CNTN4: variants seen among roughly 807,000 people sequenced by gnomAD.
The protein encoded by CNTN4 is contactin-4.
Under a neutral mutation model 122.5 loss-of-function variants are expected in CNTN4, and 77 were observed. The observed-to-expected ratio is 0.63, with a 90% CI of 0.52 to 0.76. CNTN4 has a LOEUF of 0.76. CNTN4 is among the 30% of genes least tolerant of loss of function. The probability of loss-of-function intolerance (pLI) is 0.00; values close to 1 mark genes in which losing one functional copy is unlikely to be tolerated. For synonymous variants in CNTN4, 512 were observed against 447.0 expected (o/e 1.15, Z -1.83); for missense variants, 1,256 against 1,259.1 (o/e 1.00, Z 0.04).
chr3:2,345,501 T>C (rs750308112), intron 3 of CNTN4, among the ~76,000 whole-genome samples: 1 of 152,212 alleles, frequency 6.6e-6, no homozygotes, highest in South Asian at 2.1e-4. Context: ...GAAAGGATTA[T>C]GCTATGTTGA....
At chr3:2,116,737 A>G (rs1272321972) in intron 2 of CNTN4, among the ~76,000 whole-genome samples, 1 of 152,156 alleles carries the variant, frequency 6.6e-6, no homozygotes, top group Admixed American at 6.6e-5. Flanking sequence ...TGACTATGGA[A>G]CAATCTTGCT....
At chr3:2,657,040 A>G (rs1399653589) in intron 4 of CNTN4, among the ~76,000 whole-genome samples, 1 of 152,248 alleles carries the variant, frequency 6.6e-6, no homozygotes, top group Non-Finnish European at 1.5e-5. Context: ...CTACTTGGCA[A>G]TAAAAATAAA....
intron 14 of CNTN4, among the ~76,000 whole-genome samples, chr3:2,997,839 G>T (rs774992949): frequency 2.6e-5 from 4 of 152,182 alleles, no homozygotes; most frequent in Non-Finnish European, 4.4e-5. Flanking sequence ...TGGCCTTCTA[G>T]CAGGTCTATA....
At chr3:2,908,138 C>T (rs2094258158) in intron 12 of CNTN4, among the ~76,000 whole-genome samples, 2 of 152,168 alleles carry the variant, frequency 1.3e-5, no homozygotes, top group South Asian at 4.1e-4. Flanking sequence ...ACTCCTCTCC[C>T]CCACTCATGA....
chr3:2,834,898 CT>C (rs71058653), intron 7 of CNTN4, among the ~76,000 whole-genome samples: 315 of 60,442 alleles, frequency 5.2e-3, no homozygotes, highest in African/African-American at 0.021. Flanking sequence ...TAAAGGCAAC[CT>C]TTTTTTTTTT....
chr3:2,610,974 TG>T (rs1415760716), intron 4 of CNTN4, among the ~76,000 whole-genome samples: 3 of 152,130 alleles, frequency 2.0e-5, no homozygotes, highest in Non-Finnish European at 4.4e-5. Context: ...TTCCCTTTTT[TG>T]CCAGAGTTGT....
chr3:3,053,994 C>A lies in CNTN4; in HGVS notation c.2980+19C>A, dbSNP rs779063744. ...ATATCAAGTGAGAATGCCTTTTTTT[C>A]TCCCTTTTCTCCTGCCTGTCTTATC... On this transcript the variant is annotated intron_variant, in intron 24 of 24. Transcript: ENST00000418658. The A allele has an allele frequency of 3.1e-6, 5 of 1,612,708 alleles. No individual in the cohort carries two copies. Among genetic ancestry groups the A allele is most frequent in the Admixed American group, 1.7e-5 (1 of 60,010 alleles).
chr3:2,870,322 G>C (rs1038768657), intron 8 of CNTN4, among the ~76,000 whole-genome samples: 3 of 152,098 alleles, frequency 2.0e-5, no homozygotes, highest in African/African-American at 7.2e-5. Context: ...AGCCATTAAT[G>C]CCCACTCATT....
At chr3:2,693,209 A>G (rs1430307963) in intron 4 of CNTN4, among the ~76,000 whole-genome samples, 1 of 152,196 alleles carries the variant, frequency 6.6e-6, no homozygotes, top group Non-Finnish European at 1.5e-5. Context: ...TAAAATTTAT[A>G]TAACCTGAAA....
At chr3:2,557,253 C>G (rs966190194) in intron 3 of CNTN4, among the ~76,000 whole-genome samples, 2 of 152,136 alleles carry the variant, frequency 1.3e-5, no homozygotes, top group East Asian at 3.9e-4. Flanking sequence ...GAAAAAGACA[C>G]AAACAAAGCA....
rs13315507 is a variant in CNTN4 at position 2,770,434 on chromosome 3, G to A, written c.358+24737G>A. 4.5e-3 allele frequency among the ~76,000 whole-genome samples: 689 copies of A among 152,314 alleles called. 8 individuals are homozygous for A. The highest frequency in any genetic ancestry group is 0.016 in the African/African-American group (674 of 41,570). On this transcript the variant is annotated intron_variant, in intron 6 of 24. Coordinates refer to ENST00000418658, the MANE Select transcript of CNTN4 (RefSeq NM_175607.3). The stretch of plus-strand genomic sequence containing the variant: ...GCACACACAAACCTTCCCTGGTGGG[G>A]GAGGGCCAAGGGCCCTCAGCTTCCT...
intron 13 of CNTN4, among the ~76,000 whole-genome samples, chr3:2,986,282 C>A (rs897603744): frequency 8.5e-5 from 13 of 152,162 alleles, no homozygotes; most frequent in African/African-American, 3.1e-4. Context: ...CTCTAGGAAC[C>A]TTACTGACCC....
intron 2 of CNTN4, among the ~76,000 whole-genome samples, chr3:2,300,853 G>A (rs909961101): frequency 2.6e-5 from 4 of 151,968 alleles, no homozygotes; most frequent in Non-Finnish European, 4.4e-5. Flanking sequence ...ACAGGTGTGA[G>A]CCACCGTGCC....
In CNTN4 at chr3:3,026,117, T is replaced by G. The variant is rs141965092; in HGVS notation, c.1502T>G (p.Met501Arg). Reference protein sequence around the residue: ...NLVVKDPTRVMVPPSSMDVTV... With the variant: ...NLVVKDPTRVRVPPSSMDVTV... Reference sequence around the variant, plus strand: ...AACTCTCCAGATCCAACAAGGGTAATGGTACCCCCTTCCAGTATGGATGTC... The same window carrying G: ...AACTCTCCAGATCCAACAAGGGTAAGGGTACCCCCTTCCAGTATGGATGTC... Residue 501 changes from methionine (M) to arginine (R), a missense_variant, in exon 15 of 25, where the codon ATG becomes AGG. Coordinates refer to ENST00000418658, the MANE Select transcript of CNTN4 (RefSeq NM_175607.3). The G allele has an allele frequency of 2.0e-5, 32 of 1,613,156 alleles. No homozygotes were observed. Among genetic ancestry groups the G allele is most frequent in the Non-Finnish European group, 2.6e-5 (31 of 1,179,402 alleles).
At chr3:2,531,260 C>A (rs2077585037) in intron 3 of CNTN4, among the ~76,000 whole-genome samples, 1 of 152,174 alleles carries the variant, frequency 6.6e-6, no homozygotes, top group Admixed American at 6.5e-5. Context: ...TTCCCTTCAT[C>A]ATGGGCCACT....
chr3:2,374,234 A>G (rs1029981104), intron 3 of CNTN4, among the ~76,000 whole-genome samples: 3 of 152,190 alleles, frequency 2.0e-5, no homozygotes, highest in African/African-American at 7.2e-5. Flanking sequence ...TGGAAAATAC[A>G]GAATGACCTA....
intron 4 of CNTN4, among the ~76,000 whole-genome samples, chr3:2,669,921 C>T (rs1317503752): frequency 6.6e-6 from 1 of 152,286 alleles, no homozygotes; most frequent in Admixed American, 6.5e-5. Flanking sequence ...GTTTCTCAAT[C>T]CTGAGTTCTA....
chr3:2,369,258 G>C (rs567700572), intron 3 of CNTN4, among the ~76,000 whole-genome samples: 1 of 152,126 alleles, frequency 6.6e-6, no homozygotes, highest in African/African-American at 2.4e-5. Flanking sequence ...TAAGACCTAG[G>C]CATTGTCCCT....
intron 3 of CNTN4, among the ~76,000 whole-genome samples, chr3:2,440,818 CAT>C (rs890087598): frequency 3.7e-4 from 54 of 146,932 alleles, no homozygotes; most frequent in African/African-American, 1.3e-3. Context: ...TATATTCATA[CAT>C]ATATAACTAT....
Sources: allele counts gnomAD v4.1 joint callset (sites outside exome capture counted in the v4.1 genomes callset), GRCh38; gene constraint gnomAD v4.1.1; transcripts MANE v1.5; gene names NCBI Gene and HGNC (gene_info 2026-07-23, HGNC 2026-07-21).